The following OCA2 variants were observed in gnomAD, a reference collection of about 807,000 sequenced individuals.
OCA2 encodes OCA2 melanosomal transmembrane protein, also known as P protein.
Under a neutral mutation model 100.2 loss-of-function variants are expected in OCA2, and 77 were observed. The observed-to-expected ratio is 0.77, with a 90% CI of 0.64 to 0.93. OCA2 has a LOEUF of 0.93. OCA2 is among the 40% of genes least tolerant of loss of function. The pLI is 0.00. For missense variants in OCA2, 1,062 were observed against 1,089.1 expected (o/e 0.98, Z 0.35); for synonymous variants, 432 against 439.2 (o/e 0.98, Z 0.21).
intron 9 of OCA2, among the ~76,000 whole-genome samples, chr15:27,997,048 G>A (rs375845970): frequency 3.7e-4 from 16 of 43,636 alleles, no homozygotes; most frequent in Admixed American, 1.0e-3. Context: ...AGAGAAAGAA[G>A]GAAGGAAGGA....
chr15:27,823,006 G>A (rs1032879694), intron 23 of OCA2, among the ~76,000 whole-genome samples: 3 of 152,102 alleles, frequency 2.0e-5, no homozygotes, highest in Admixed American at 6.5e-5. Flanking sequence ...TTAGATCTAC[G>A]GTCCATATAG....
intron 19 of OCA2, chr15:27,896,007 G>T: frequency 1.0e-6 from 1 of 959,642 alleles, no homozygotes; most frequent in Non-Finnish European, 1.7e-6. Context: ...TATTGTACTG[G>T]CCTGCAGGCT....
At chr15:27,826,201 G>C (rs1167794472) in intron 23 of OCA2, among the ~76,000 whole-genome samples, 1 of 152,204 alleles carries the variant, frequency 6.6e-6, no homozygotes, top group East Asian at 1.9e-4. Context: ...CAGGCGCCCT[G>C]TTAGGGAAGG....
intron 19 of OCA2, 90 bp downstream of exon 19, chr15:27,926,037 A>G: frequency 7.0e-7 from 1 of 1,433,218 alleles, no homozygotes; most frequent in Non-Finnish European, 9.8e-7. Context: ...AGGAAAGATT[A>G]ATAGATGTAG....
At chr15:27,955,089 G>GA in intron 17 of OCA2, 69 bp downstream of exon 17, 1 of 1,099,434 alleles carries the variant, frequency 9.1e-7, no homozygotes, top group Non-Finnish European at 1.4e-6. Flanking sequence ...GTGAGGGAAG[G>GA]AAAAGGCATC....
chr15:28,016,021 A>T (rs2042379672), intron 8 of OCA2, 83 bp downstream of exon 8: 1 of 1,082,632 alleles, frequency 9.2e-7, no homozygotes, highest in Non-Finnish European at 1.4e-6. Flanking sequence ...TGTGGGCCGA[A>T]ATCAGTGTCC....
At chr15:28,046,471 C>A (rs41307915) in intron 2 of OCA2, among the ~76,000 whole-genome samples, 1 of 152,122 alleles carries the variant, frequency 6.6e-6, no homozygotes, top group Admixed American at 6.5e-5. Context: ...ACATCAGCCA[C>A]AAGGGTCTTT....
intron 23 of OCA2, among the ~76,000 whole-genome samples, chr15:27,770,429 C>T (rs537324379): frequency 2.8e-4 from 43 of 152,314 alleles, no homozygotes; most frequent in African/African-American, 1.0e-3. Context: ...GGCTCATTGC[C>T]GCCTGTCTGC....
At chr15:27,949,866 G>A (rs16950636) in intron 18 of OCA2, among the ~76,000 whole-genome samples, 1,543 of 152,166 alleles carry the variant, frequency 0.01, 28 homozygotes, top group African/African-American at 0.035. Context: ...TTTTCTCCTA[G>A]TCAACCTAAC....
intron 2 of OCA2, among the ~76,000 whole-genome samples, chr15:28,079,672 A>G (rs2044553485): frequency 6.6e-6 from 1 of 152,112 alleles, no homozygotes; most frequent in South Asian, 2.1e-4. Context: ...TGGCTCACTC[A>G]TGAGGGCTCA....
the OCA2 span, among the ~76,000 whole-genome samples, chr15:27,720,024 T>G: frequency 6.6e-6 from 1 of 152,176 alleles, no homozygotes; most frequent in South Asian, 2.1e-4. Context: ...TTAACAAAAT[T>G]TAAACTCTCT....
intron 23 of OCA2, among the ~76,000 whole-genome samples, chr15:27,809,587 T>C (rs866722150): frequency 1.3e-5 from 2 of 152,198 alleles, no homozygotes; most frequent in Non-Finnish European, 2.9e-5. Flanking sequence ...CTATCACTGT[T>C]TGCTGAAGAT....
intron 1 of OCA2, among the ~76,000 whole-genome samples, chr15:28,096,304 G>A (rs1019039027): frequency 3.3e-5 from 5 of 151,738 alleles, no homozygotes; most frequent in Admixed American, 2.0e-4. Flanking sequence ...TCCGAGGTGT[G>A]GTCGTGTCTC....
At chr15:28,075,788 G>GTA (rs2044409759) in intron 2 of OCA2, among the ~76,000 whole-genome samples, 2 of 152,182 alleles carry the variant, frequency 1.3e-5, no homozygotes, top group African/African-American at 4.8e-5. Flanking sequence ...CAAAGTAAAA[G>GTA]AACCAAACTC....
intron 15 of OCA2, among the ~76,000 whole-genome samples, chr15:27,966,419 G>A (rs761440749): frequency 1.3e-5 from 2 of 152,158 alleles, no homozygotes; most frequent in African/African-American, 2.4e-5. Flanking sequence ...CCATATACAC[G>A]TGGCTTTAGG....
At chr15:27,728,463 T>C in the OCA2 span, among the ~76,000 whole-genome samples, 1 of 152,162 alleles carries the variant, frequency 6.6e-6, no homozygotes, top group Admixed American at 6.5e-5. Context: ...CAGTAGAATT[T>C]TGGGGGTCCA....
At chr15:28,017,191 T>G (rs921962402) in intron 7 of OCA2, among the ~76,000 whole-genome samples, 4 of 152,158 alleles carry the variant, frequency 2.6e-5, no homozygotes, top group Admixed American at 2.6e-4. Context: ...CAGAAGTTCT[T>G]TTAGGTACTT....
chr15:27,811,439 C>T (rs2034073962), intron 23 of OCA2, among the ~76,000 whole-genome samples: 1 of 152,042 alleles, frequency 6.6e-6, no homozygotes, highest in Admixed American at 6.6e-5. Flanking sequence ...GTCAGGTGCA[C>T]TGAAATCTCA....
At chr15:27,982,962 A>G (rs1029612813) in intron 14 of OCA2, among the ~76,000 whole-genome samples, 23 of 152,208 alleles carry the variant, frequency 1.5e-4, no homozygotes, top group African/African-American at 5.1e-4. Flanking sequence ...TAAGTCCTTC[A>G]TCAGTAAACT....
Sources: allele counts gnomAD v4.1 joint callset (sites outside exome capture counted in the v4.1 genomes callset), GRCh38; gene constraint gnomAD v4.1.1; transcripts MANE v1.5; gene names NCBI Gene and HGNC (gene_info 2026-07-23, HGNC 2026-07-21).